Variants in VEPH1 observed in about 807,000 individuals in gnomAD.
VEPH1 encodes the protein ventricular zone expressed PH domain containing 1, also known as ventricular zone-expressed PH domain-containing protein homolog 1.
Under a neutral mutation model 85.2 loss-of-function variants are expected in VEPH1, and 80 were observed. The ratio of observed to expected loss-of-function variants is 0.94; its 90% confidence interval spans 0.78 to 1.13. VEPH1 has a LOEUF of 1.13. Among genes scored for constraint, VEPH1 ranks in the 50% most tolerant of loss-of-function variants. The pLI is 0.00. For missense variants in VEPH1, 955 were observed against 980.5 expected, an observed-to-expected ratio of 0.97 and a Z score of 0.35; for synonymous variants, 297 against 348.0, an observed-to-expected ratio of 0.85 and a Z score of 1.63.
At chr3:157,327,717 G>A (rs905273167) in intron 9 of VEPH1, among the ~76,000 whole-genome samples, 2 of 152,156 alleles carry the variant, frequency 1.3e-5, no homozygotes, top group Non-Finnish European at 2.9e-5. Context: ...GTGTCCCTTG[G>A]TGCATATAGA....
chr3:157,359,873 C>A (rs540893447), intron 9 of VEPH1, among the ~76,000 whole-genome samples: 1 of 152,144 alleles, frequency 6.6e-6, no homozygotes, highest in Non-Finnish European at 1.5e-5. Flanking sequence ...GTGTTCCTAG[C>A]GTATGGACTT....
intron 2 of VEPH1, 96 bp from the exon 3 acceptor site, chr3:157,470,625 C>G (rs1004647689): frequency 2.5e-6 from 3 of 1,207,126 alleles, no homozygotes; most frequent in Non-Finnish European, 2.4e-6. Context: ...AATGGGTGCA[C>G]CAGGCTGTGT....
intron 6 of VEPH1, among the ~76,000 whole-genome samples, chr3:157,400,737 C>T (rs1545596): frequency 0.67 from 102,046 of 151,916 alleles, 34,640 homozygotes; most frequent in South Asian, 0.75. Flanking sequence ...TTGCACTGAC[C>T]CCAAATAATT....
At chr3:157,460,666 G>T (rs145551588) in intron 3 of VEPH1, among the ~76,000 whole-genome samples, 14 of 152,180 alleles carry the variant, frequency 9.2e-5, no homozygotes, top group African/African-American at 3.1e-4. Context: ...CTTCCTGGAG[G>T]GGGTAATGTC....
intron 2 of VEPH1, among the ~76,000 whole-genome samples, chr3:157,483,247 A>G (rs1043521059): frequency 4.6e-5 from 7 of 152,146 alleles, no homozygotes; most frequent in Non-Finnish European, 8.8e-5. Flanking sequence ...AAGTGAGCTC[A>G]GAACTGACAG....
chr3:157,349,349 C>G (rs1441219923), intron 9 of VEPH1, among the ~76,000 whole-genome samples: 1 of 152,198 alleles, frequency 6.6e-6, no homozygotes, highest in Non-Finnish European at 1.5e-5. Context: ...ATGATAAAAA[C>G]TCTCAACAAA....
Position 157,363,379 on chromosome 3 carries a change from G to A in VEPH1, c.1720C>T (p.Gln574Ter). The change falls in exon 9 of 14, where the codon CAG (glutamine) becomes TAG (stop). Residue 574 changes from glutamine to a stop codon, truncating the protein, a stop_gained. Coordinates refer to ENST00000362010, the MANE Select transcript of VEPH1 (RefSeq NM_001167912.2). LOFTEE classifies it high-confidence loss of function. ...CAACACTTACCTTCAATGGTACACT[G>A]ATCAGGGACTGGAATCTTCTTTCCA... ...EIGKKIPVPDQCTIEDTVRSC... is the reference protein window; with the variant it reads ...EIGKKIPVPD 1.2e-6 allele frequency: 2 copies of A among 1,608,038 alleles called. No individual in the cohort carries two copies. Among genetic ancestry groups the A allele is most frequent in the South Asian group, 2.2e-5 (2 of 89,908 alleles).
intron 11 of VEPH1, among the ~76,000 whole-genome samples, chr3:157,305,062 A>G (rs1265612588): frequency 7.2e-6 from 1 of 138,250 alleles, no homozygotes; most frequent in Non-Finnish European, 1.6e-5. Flanking sequence ...CTATCTATCT[A>G]TCTATCTTCC....
At chr3:157,499,940 A>G (rs149397721) in intron 1 of VEPH1, among the ~76,000 whole-genome samples, 47 of 152,332 alleles carry the variant, frequency 3.1e-4, no homozygotes, top group African/African-American at 1.0e-3. Context: ...GTGTTCGTCC[A>G]GTAAGAGTCA....
At chr3:157,368,476 G>GTT (rs59050089) in intron 7 of VEPH1, among the ~76,000 whole-genome samples, 105 of 140,496 alleles carry the variant, frequency 7.5e-4, no homozygotes, top group African/African-American at 2.8e-3. Context: ...TAAACAATAA[G>GTT]TTTTTTGTTT....
Position 157,341,968 on chromosome 3 carries a change from C to A in VEPH1, c.1735+21396G>T, listed in dbSNP as rs552983261. Among the ~76,000 whole-genome samples, 350 of 151,430 alleles carry A rather than the reference C, an allele frequency of 2.3e-3. 1 individual carries two copies. The highest frequency in any genetic ancestry group is 8.0e-3 in the African/African-American group (330 of 41,280). On this transcript the variant is annotated intron_variant, in intron 9 of 13. Transcript: ENST00000362010. ...AGAAATAAAATCCTTTACAGACAAG[C>A]AAATGCTGAGAGATTTTGTCACCAC...
chr3:157,364,281 A>G, intron 8 of VEPH1, 22 bp downstream of exon 8: 2 of 1,490,448 alleles, frequency 1.3e-6, no homozygotes, highest in Non-Finnish European at 1.8e-6. Context: ...ATGATTTAAA[A>G]AACAAACCAA....
At chr3:157,416,372 G>A (rs1294593376) in intron 5 of VEPH1, among the ~76,000 whole-genome samples, 1 of 152,050 alleles carries the variant, frequency 6.6e-6, no homozygotes, top group African/African-American at 2.4e-5. Context: ...GGAAATAAAG[G>A]GCTAGATTCT....
rs555169605 is a variant in VEPH1, at chr3:157,437,859, G to A, written c.530-9371C>T. The stretch of plus-strand genomic sequence containing the variant: ...CGGTGCTAGAGGAGCTGCGGCAGAC[G>A]CGAGCCGACCTGCACGCGGTGCAGG... On this transcript the variant is annotated intron_variant, in intron 4 of 13. Transcript: ENST00000362010. 96 of 1,498,936 alleles carry A rather than the reference G, an allele frequency of 6.4e-5. No individual in the cohort carries two copies. The African/African-American group carries it at 1.2e-3, about 18-fold the overall frequency. 92.9% of individuals were successfully genotyped at this position (1,498,936 alleles called of 1,614,324 possible).
At chr3:157,416,110 C>T (rs979644034) in intron 5 of VEPH1, among the ~76,000 whole-genome samples, 1 of 152,126 alleles carries the variant, frequency 6.6e-6, no homozygotes, top group African/African-American at 2.4e-5. Flanking sequence ...CAGAGCTTAT[C>T]CACAAGTTGA....
rs1399701230 is a variant in VEPH1, at chr3:157,364,528, T to C, written c.1128-16A>G. On this transcript the variant is annotated splice_polypyrimidine_tract_variant and intron_variant, in intron 7 of 13. Coordinates refer to ENST00000362010, the MANE Select transcript of VEPH1 (RefSeq NM_001167912.2). ...GATTTTTCTCCTAAAGGAATATAAA[T>C]CATTGCATTAGATGCAGGTCATATA... The C allele has an allele frequency of 1.2e-6, 2 of 1,608,320 alleles. No homozygotes were observed. The highest frequency in any genetic ancestry group is 1.7e-6 in the Non-Finnish European group (2 of 1,175,644).
intron 12 of VEPH1, among the ~76,000 whole-genome samples, chr3:157,267,639 G>A (rs563960078): frequency 1.3e-5 from 2 of 151,942 alleles, no homozygotes; most frequent in Non-Finnish European, 2.9e-5. Context: ...ACAAAAATTA[G>A]CTGGGTGTAA....
chr3:157,398,415 C>A (rs557140729), intron 6 of VEPH1, among the ~76,000 whole-genome samples: 4 of 152,316 alleles, frequency 2.6e-5, no homozygotes, highest in African/African-American at 9.6e-5. Flanking sequence ...GCGTGTGGAT[C>A]ACGAGGTCAG....
intron 12 of VEPH1, among the ~76,000 whole-genome samples, chr3:157,272,433 T>TTCTC (rs1714815619): frequency 1.4e-5 from 2 of 145,358 alleles, no homozygotes; most frequent in Non-Finnish European, 3.0e-5. Flanking sequence ...CTTTCTTTCT[T>TTCTC]TCTTTCCTTC....
Sources: allele counts gnomAD v4.1 joint callset (sites outside exome capture counted in the v4.1 genomes callset), GRCh38; gene constraint gnomAD v4.1.1; transcripts MANE v1.5; gene names NCBI Gene and HGNC (gene_info 2026-07-23, HGNC 2026-07-21).